The following LONRF3 variants were observed in gnomAD, a reference collection of about 807,000 sequenced individuals.
The protein encoded by LONRF3 is LON peptidase N-terminal domain and ring finger 3.
Under a neutral mutation model 51.7 loss-of-function variants are expected in LONRF3, and 19 were observed. That is an observed-to-expected ratio of 0.37 (90% CI 0.26 to 0.54). LONRF3 has a LOEUF of 0.54. Among genes scored for constraint, LONRF3 ranks in the 20% least tolerant of loss-of-function variants. The pLI is 0.86. For missense variants in LONRF3, 521 were observed against 623.9 expected (o/e 0.84, Z 1.76); for synonymous variants, 265 against 257.8 (o/e 1.03, Z -0.27).
Position 118,975,023 on chromosome X carries a change from G to A in LONRF3, c.243G>A (p.Gly81=). The A allele has an allele frequency of 3.4e-6, 4 of 1,173,088 alleles. No individual in the cohort carries two copies. Among genetic ancestry groups the A allele is most frequent in the Non-Finnish European group, 4.6e-6 (4 of 876,201 alleles). ...LTQADALASR[G]RIREALEVYR... Reference sequence around the variant, plus strand: ...AGGCAGACGCCTTGGCGTCCCGGGGGCGAATCCGTGAAGCCCTCGAGGTGT... The same window carrying A: ...AGGCAGACGCCTTGGCGTCCCGGGGACGAATCCGTGAAGCCCTCGAGGTGT... Residue 81 remains glycine, a synonymous_variant, in exon 1 of 11, where the codon GGG becomes GGA. Transcript: ENST00000371628.
chrX:118,979,939 G>T (rs1235977016), intron 2 of LONRF3, among the ~76,000 whole-genome samples: 3 of 112,260 alleles, frequency 2.7e-5, no homozygotes. Flanking sequence ...ACTTTGTTTA[G>T]AAGATTAGAT....
rs1368093338 is a variant in LONRF3, at chrX:119,018,347, A to G, written c.*657A>G. On this transcript the variant is annotated 3_prime_UTR_variant, in exon 11 of 11. Coordinates refer to ENST00000371628, the MANE Select transcript of LONRF3 (RefSeq NM_001031855.3). ...ATCTTTTTTTTACTACAATGACACTAGTTCTTAGACCATTTCCGTATCTAT... is the reference window on the plus strand; with the variant it reads ...ATCTTTTTTTTACTACAATGACACTGGTTCTTAGACCATTTCCGTATCTAT... 9.0e-6 allele frequency: 1 copy of G among 111,704 alleles called. No homozygotes were observed. Among genetic ancestry groups the G allele is most frequent in the Non-Finnish European group, 1.9e-5 (1 of 53,201 alleles). The allele number at this position is 111,704 out of a possible 1,213,427, so 9.2% of individuals were successfully genotyped here. A position where few individuals can be genotyped will look rare whatever the true frequency, so the allele number is the denominator to read the frequency against.
At chrX:118,979,361 T>G (rs150821531) in intron 2 of LONRF3, among the ~76,000 whole-genome samples, 1,153 of 108,548 alleles carry the variant, frequency 0.011, 25 homozygotes, top group East Asian at 0.1. Context: ...TGGCGTGATC[T>G]CAGCTCACTG....
At chrX:118,997,666 G>C (rs1007969928) in intron 5 of LONRF3, among the ~76,000 whole-genome samples, 1 of 112,315 alleles carries the variant, frequency 8.9e-6, no homozygotes, top group African/African-American at 3.2e-5. Context: ...ATGGCAAAAG[G>C]AACAGTCAGC....
Position 118,974,635 on chromosome X carries a change from G to A in LONRF3, c.-146G>A. 2.1e-6 allele frequency: 1 copy of A among 479,552 alleles called. No homozygotes were observed. The highest frequency in any genetic ancestry group is 3.4e-5 in the South Asian group (1 of 29,765). 39.5% of individuals were successfully genotyped at this position (479,552 alleles called of 1,213,427 possible). A position where few individuals can be genotyped will look rare whatever the true frequency, so the allele number is the denominator to read the frequency against. On this transcript the variant is annotated 5_prime_UTR_variant, in exon 1 of 11. Coordinates refer to ENST00000371628, the MANE Select transcript of LONRF3 (RefSeq NM_001031855.3). ...AGACAGTTATTAGGCGGCGCGGGGC[G>A]GCCGGCATGGAGCTCCCGGAGGCGC... is the stretch of plus-strand genomic sequence containing the variant.
At chrX:119,000,572 G>T (rs770721971) in intron 5 of LONRF3, among the ~76,000 whole-genome samples, 2 of 111,812 alleles carry the variant, frequency 1.8e-5, no homozygotes, top group East Asian at 5.6e-4. Context: ...TAGCCATTGG[G>T]GGCCACCTCT....
At chrX:118,999,785 C>T (rs998869113) in intron 5 of LONRF3, among the ~76,000 whole-genome samples, 1 of 111,855 alleles carries the variant, frequency 8.9e-6, no homozygotes, top group Non-Finnish European at 1.9e-5. Flanking sequence ...TATCCTGCCC[C>T]TCCGTTCTAA....
rs763974147 is a variant in LONRF3 at position 118,980,539 on chromosome X, T to A, written c.936+2076T>A. Among the ~76,000 whole-genome samples the A allele has an allele frequency of 1.1e-4, 11 of 104,726 alleles. No individual in the cohort carries two copies. In the South Asian group the frequency reaches 5.1e-3, roughly 48 times the overall value. 90.9% of individuals were successfully genotyped at this position (104,726 alleles called of 115,157 possible). On this transcript the variant is annotated intron_variant, in intron 2 of 10. Coordinates refer to ENST00000371628, the MANE Select transcript of LONRF3 (RefSeq NM_001031855.3). Reference sequence around the variant, plus strand: ...CAGGTGAATCTTGTATGTTCTTTCTTGAGAAGGTTTTCATGAGTGATGATG... The same window carrying A: ...CAGGTGAATCTTGTATGTTCTTTCTAGAGAAGGTTTTCATGAGTGATGATG...
intron 5 of LONRF3, among the ~76,000 whole-genome samples, chrX:119,000,775 T>TTCTCTCTCTCTCTCTCTCTC (rs200671696): frequency 1.8e-5 from 1 of 55,852 alleles, no homozygotes; most frequent in Non-Finnish European, 3.3e-5. Flanking sequence ...TTCACTCTCA[T>TTCTCTCTCTCTCTCTCTCTC]TCTCTCTCTC....
intron 7 of LONRF3, among the ~76,000 whole-genome samples, chrX:119,009,907 T>C (rs765778169): frequency 8.1e-5 from 9 of 110,636 alleles, no homozygotes; most frequent in African/African-American, 3.0e-4. Context: ...GTAGCTGAGA[T>C]TACAGGCATG....
chrX:118,974,785 A>G lies in LONRF3; in HGVS notation c.5A>G (p.Glu2Gly), dbSNP rs1921842541. Residue 2 changes from glutamate (E) to glycine (G), a missense_variant, in exon 1 of 11, where the codon GAG becomes GGG. Transcript: ENST00000371628. M[E>G]SVRIEQMLSL... is the part of the protein sequence containing the mutation. ...TCCTCCCGTGTCCCTCTTCCCATGG[A>G]GTCAGTACGGATCGAACAGATGCTG... The G allele has an allele frequency of 8.3e-7, 1 of 1,202,729 alleles. No individual in the cohort carries two copies. The highest frequency in any genetic ancestry group is 1.8e-5 in the South Asian group (1 of 55,582).
chrX:118,989,673 G>C lies in LONRF3; in HGVS notation c.1324+1G>C. 8.3e-7 allele frequency: 1 copy of C among 1,206,673 alleles called. No individual in the cohort carries two copies. The highest frequency in any genetic ancestry group is 1.1e-6 in the Non-Finnish European group (1 of 893,259). ...ATGCCTAATAAAGCCTCCAAGCAAG[G>C]TACTGGCTCTACCCAGAGAGAAGGT... is the stretch of plus-strand genomic sequence containing the variant. On this transcript the variant is annotated splice_donor_variant, in intron 4 of 10. Coordinates refer to ENST00000371628, the MANE Select transcript of LONRF3 (RefSeq NM_001031855.3). LOFTEE classifies it high-confidence loss of function.
intron 1 of LONRF3, 65 bp from the exon 2 acceptor site, chrX:118,978,280 A>G: frequency 1.5e-6 from 1 of 684,275 alleles, no homozygotes; most frequent in Non-Finnish European, 2.4e-6. Context: ...CCATACTCAT[A>G]CAGGACTTAA....
chrX:118,979,293 G>A (rs1238588070), intron 2 of LONRF3, among the ~76,000 whole-genome samples: 5 of 104,885 alleles, frequency 4.8e-5, no homozygotes, highest in Admixed American at 2.0e-4. Context: ...GTGAGCCACC[G>A]CGCTGGCTTT....
Position 118,975,260 on chromosome X carries a change from A to G in LONRF3, c.480A>G (p.Lys160=). 1 of 1,209,225 alleles carries G rather than the reference A, an allele frequency of 8.3e-7. No homozygotes were observed. The highest frequency in any genetic ancestry group is 1.1e-6 in the Non-Finnish European group (1 of 894,721). The change falls in exon 1 of 11, where the codon AAA becomes AAG. Residue 160 remains lysine (K), a synonymous_variant. Transcript: ENST00000371628. The part of the protein sequence containing the change: ...TEVWDGFKCR[K]CHGFLSDPVS... The stretch of plus-strand genomic sequence containing the variant: ...TGTGGGACGGCTTTAAGTGCCGGAA[A>G]TGTCATGGGTTTCTATCAGACCCCG...
chrX:119,014,601 A>C (rs1925317342), intron 10 of LONRF3, among the ~76,000 whole-genome samples: 2 of 111,737 alleles, frequency 1.8e-5, no homozygotes. Context: ...TTGAGAACTA[A>C]GTAAGATAAG....
At position 118,974,916 on chromosome X, in the gene LONRF3, C is replaced by T; in HGVS notation, c.136C>T (p.Pro46Ser). The T allele has an allele frequency of 2.5e-6, 3 of 1,189,821 alleles. No homozygotes were observed. Among genetic ancestry groups the T allele is most frequent in the Non-Finnish European group, 3.4e-6 (3 of 884,527 alleles). ...CCACCCAAAGGTGGCTGCAGAGGGC[C>T]CCGCACCTCTACCGACGCGGGAGCC... ...GPHPKVAAEG[P>S]APLPTREPEQ... Residue 46 changes from proline to serine, a missense_variant, in exon 1 of 11, where the codon CCC becomes TCC. By Grantham distance (74) the Pro-to-Ser change is moderately conservative. Around this residue, in one of 2 missense-constraint regions of LONRF3, gnomAD observed 376 missense variants for 376.7 expected, o/e 1.00. Transcript: ENST00000371628.
Position 119,008,384 on chromosome X carries a change from T to G in LONRF3, c.1531-742T>G, listed in dbSNP as rs146131391. On this transcript the variant is annotated intron_variant, in intron 6 of 10. Transcript: ENST00000371628. ...AGATGTTTTAACATCAGTTGTTTGA[T>G]TCACACCGTTAAATACCCACTACCT... Among the ~76,000 whole-genome samples the G allele has an allele frequency of 3.6e-5, 4 of 111,624 alleles. No individual in the cohort carries two copies. In the East Asian group the frequency reaches 1.1e-3, roughly 31 times the overall value.
chrX:118,996,251 G>C (rs1024547382), intron 5 of LONRF3, among the ~76,000 whole-genome samples: 1 of 111,170 alleles, frequency 9.0e-6, no homozygotes, highest in South Asian at 3.8e-4. Flanking sequence ...CTGAGAACTG[G>C]AACAAGACAA....
Sources: gnomAD v4.1 joint callset for allele counts (sites outside exome capture counted in the v4.1 genomes callset) on GRCh38, gnomAD v4.1.1 for gene constraint, gnomAD v4.1.1 regional missense constraint, MANE v1.5 for transcripts, NCBI Gene and HGNC (gene_info 2026-07-23, HGNC 2026-07-21) for gene names.